Variants in C1QTNF12 observed in about 807,000 individuals in gnomAD.
The protein encoded by C1QTNF12 is adipolin.
C1QTNF12 carries 39 observed loss-of-function variants against 34.3 expected under a neutral mutation model. That is an observed-to-expected ratio of 1.14 (90% confidence interval 0.88 to 1.49). The LOEUF (loss-of-function observed/expected upper bound fraction) is 1.49. C1QTNF12 is among the 40% of genes most tolerant of loss of function. The pLI is 0.00. For missense variants in C1QTNF12, 497 were observed against 424.7 expected (o/e 1.17, Z -1.50); for synonymous variants, 220 against 196.9 (o/e 1.12, Z -0.98).
chr1:1,246,637 C>G lies in C1QTNF12; in HGVS notation c.54G>C (p.Val18=). The G allele has an allele frequency of 8.1e-7, 1 of 1,237,314 alleles. No individual in the cohort carries two copies. The highest frequency in any genetic ancestry group is 1.0e-6 in the Non-Finnish European group (1 of 990,876). 76.6% of individuals were successfully genotyped at this position (1,237,314 alleles called of 1,614,324 possible). A position where few individuals can be genotyped will look rare whatever the true frequency, so the allele number is the denominator to read the frequency against. The change falls in exon 1 of 8, where the codon GTG becomes GTC. Residue 18 remains valine (V), a synonymous_variant. Transcript: ENST00000330388. This position sits in a 1 kb window ranked among gnomAD's most constrained non-coding sequence, Gnocchi z 4.5. ...GCCGGGCCCCGACGCCCCCGAGGAGCACGAGCTGCGGCCCGAGGAGGACCA... is the reference window on the plus strand; with the variant it reads ...GCCGGGCCCCGACGCCCCCGAGGAGGACGAGCTGCGGCCCGAGGAGGACCA... ...AVVVLLGPQL[V]LLGGVGARRE... is the part of the protein sequence containing the mutation.
Position 1,244,433 on chromosome 1 carries a change from C to T in C1QTNF12, c.242G>A (p.Arg81Gln), listed in dbSNP as rs143978315. 151 of 1,611,898 alleles carry T rather than the reference C, an allele frequency of 9.4e-5. No individual in the cohort carries two copies. Among genetic ancestry groups the T allele is most frequent in the South Asian group, 9.3e-4 (85 of 91,086 alleles). ...AHMTWLNFVRRPDDGALRKRC... is the reference protein window; with the variant it reads ...AHMTWLNFVRQPDDGALRKRC... ...CTTCCTTAAGGCGCCGTCGTCCGGC[C>T]GCCGGACAAAGTTCAGCCATGTCAT... Residue 81 changes from arginine to glutamine, a missense_variant, in exon 2 of 8, where the codon CGG becomes CAG. Coordinates refer to ENST00000330388, the MANE Select transcript of C1QTNF12 (RefSeq NM_001014980.3).
chr1:1,242,503 C>T lies in C1QTNF12; in HGVS notation c.*45G>A. 7.0e-7 allele frequency: 1 copy of T among 1,438,006 alleles called. No homozygotes were observed. The highest frequency in any genetic ancestry group is 9.5e-7 in the Non-Finnish European group (1 of 1,051,848). 89.1% of individuals were successfully genotyped at this position (1,438,006 alleles called of 1,614,324 possible). Reference sequence around the variant, plus strand: ...TGACCACGGGCATCAGTAGGAGGGTCCCCGGGATCCGGCGGCAGCTCCTCG... The same window carrying T: ...TGACCACGGGCATCAGTAGGAGGGTTCCCGGGATCCGGCGGCAGCTCCTCG... On this transcript the variant is annotated 3_prime_UTR_variant, in exon 8 of 8. Transcript: ENST00000330388.
chr1:1,242,495 AG>A lies in C1QTNF12; in HGVS notation c.*52del. 7.3e-7 allele frequency: 1 copy of A among 1,378,058 alleles called. No homozygotes were observed. Among genetic ancestry groups the A allele is most frequent in the African/African-American group, 1.4e-5 (1 of 69,446 alleles). The allele number at this position is 1,378,058 out of a possible 1,614,324, so 85.4% of individuals were successfully genotyped here. A position where few individuals can be genotyped will look rare whatever the true frequency, so the allele number is the denominator to read the frequency against. ...TATTGTGGTGACCACGGGCATCAGT[AG>A]GAGGGTCCCCGGGATCCGGCGGCAG... On this transcript the variant is annotated 3_prime_UTR_variant, in exon 8 of 8. Coordinates refer to ENST00000330388, the MANE Select transcript of C1QTNF12 (RefSeq NM_001014980.3).
rs1210316441 is a variant in C1QTNF12 at position 1,242,540 on chromosome 1, G to C, written c.*8C>G. 3.9e-6 allele frequency: 6 copies of C among 1,536,684 alleles called. No individual in the cohort carries two copies. Among genetic ancestry groups the C allele is most frequent in the African/African-American group, 2.8e-5 (2 of 70,604 alleles). On this transcript the variant is annotated 3_prime_UTR_variant, in exon 8 of 8. Transcript: ENST00000330388. Reference sequence around the variant, plus strand: ...GCGGCAGCTCCTCGCCAGCCCCCCTGGGCGCCCTCACGTGCCCAGGAGCAG... The same window carrying C: ...GCGGCAGCTCCTCGCCAGCCCCCCTCGGCGCCCTCACGTGCCCAGGAGCAG...
chr1:1,246,733 A>G, upstream of C1QTNF12: 2 of 1,205,092 alleles, frequency 1.7e-6, no homozygotes, highest in South Asian at 4.2e-5. This position sits in a 1 kb window ranked among gnomAD's most constrained non-coding sequence, Gnocchi z 4.5. Flanking sequence ...TCTCGGCGCC[A>G]GGGCGCAGTC....
rs1212055740 is a variant in C1QTNF12 at position 1,243,444 on chromosome 1, C to G, written c.640G>C (p.Asp214His). The change falls in exon 5 of 8, where the codon GAC (aspartate) becomes CAC (histidine). Residue 214 changes from aspartate to histidine, a missense_variant and splice_region_variant. Coordinates refer to ENST00000330388, the MANE Select transcript of C1QTNF12 (RefSeq NM_001014980.3). ...IFQFSASLHV[D>H]HSELQGKARL... ...CACGGCACTGCCCCATCCGGCTCAC[C>G]CACGTGCAGACTGGCAGAGAACTGG... 2 of 1,552,806 alleles carry G rather than the reference C, an allele frequency of 1.3e-6. No homozygotes were observed. Among genetic ancestry groups the G allele is most frequent in the Admixed American group, 1.9e-5 (1 of 51,592 alleles).
At chr1:1,244,586 C>T (rs1000680997) in intron 1 of C1QTNF12, 89 bp from the exon 2 acceptor site, 66 of 1,027,488 alleles carry the variant, frequency 6.4e-5, no homozygotes, top group Non-Finnish European at 9.3e-5. Flanking sequence ...CAGGGCAGAA[C>T]CAGGGAAGGC....
intron 1 of C1QTNF12, among the ~76,000 whole-genome samples, chr1:1,244,932 TC>T (rs1245826707): frequency 2.6e-4 from 2 of 7,622 alleles, no homozygotes; most frequent in East Asian, 7.2e-3. Context: ...TTCCCCCTCT[TC>T]CCCCCACTCC....
chr1:1,245,779 A>C (rs1449119586), intron 1 of C1QTNF12, among the ~76,000 whole-genome samples: 2 of 152,214 alleles, frequency 1.3e-5, no homozygotes, highest in Admixed American at 1.3e-4. Flanking sequence ...GGCTGGCTGC[A>C]GCAGAGACGC....
At position 1,246,642 on chromosome 1, in the gene C1QTNF12, G is replaced by A. The variant is rs1374152871; in HGVS notation, c.49C>T (p.Leu17Phe). 4.0e-6 allele frequency: 5 copies of A among 1,235,504 alleles called. No homozygotes were observed. The Admixed American group carries it at 1.7e-4, about 42-fold the overall frequency. The allele number at this position is 1,235,504 out of a possible 1,614,324, so 76.5% of individuals were successfully genotyped here. Reference sequence around the variant, plus strand: ...GCCCCGACGCCCCCGAGGAGCACGAGCTGCGGCCCGAGGAGGACCACGACC... The same window carrying A: ...GCCCCGACGCCCCCGAGGAGCACGAACTGCGGCCCGAGGAGGACCACGACC... ...AAVVVLLGPQ[L>F]VLLGGVGARR... is the part of the protein sequence containing the mutation. Residue 17 changes from leucine (L) to phenylalanine (F), a missense_variant, in exon 1 of 8, where the codon CTC becomes TTC. Coordinates refer to ENST00000330388, the MANE Select transcript of C1QTNF12 (RefSeq NM_001014980.3). This position sits in a 1 kb window ranked among gnomAD's most constrained non-coding sequence, Gnocchi z 4.5.
chr1:1,242,991 CCT>C, intron 6 of C1QTNF12, 69 bp downstream of exon 6: 1 of 1,558,036 alleles, frequency 6.4e-7, no homozygotes, highest in Non-Finnish European at 8.7e-7. Flanking sequence ...CCCAGAGACC[CCT>C]GTGGCCTGTG....
chr1:1,244,672 GC>G (rs1216386998), intron 1 of C1QTNF12, 175 bp from the exon 2 acceptor site: 1 of 604,576 alleles, frequency 1.7e-6, no homozygotes, highest in East Asian at 2.7e-5. Context: ...CACCAGCAGG[GC>G]AGGCATGCGG....
At chr1:1,242,672 A>G in intron 7 of C1QTNF12, 26 bp from the exon 8 acceptor site, 2 of 1,571,698 alleles carry the variant, frequency 1.3e-6, no homozygotes, top group Non-Finnish European at 1.7e-6. Flanking sequence ...GGACGTCACA[A>G]CCGCAGCCAC....
chr1:1,245,750 G>C (rs1365440309), intron 1 of C1QTNF12, among the ~76,000 whole-genome samples: 1 of 152,218 alleles, frequency 6.6e-6, no homozygotes, highest in Non-Finnish European at 1.5e-5. Context: ...GCGGGGCCGC[G>C]TGGGCTGAGA....
chr1:1,242,801 C>G, intron 7 of C1QTNF12, 34 bp downstream of exon 7: 1 of 1,608,984 alleles, frequency 6.2e-7, no homozygotes, highest in Non-Finnish European at 8.5e-7. Context: ...CGAGTGCACC[C>G]GAGCCCTCCC....
chr1:1,244,591 G>A, intron 1 of C1QTNF12, 94 bp from the exon 2 acceptor site: 1 of 996,790 alleles, frequency 1.0e-6, no homozygotes, highest in Non-Finnish European at 1.6e-6. Context: ...CAGAACCAGG[G>A]AAGGCATCGC....
chr1:1,244,487 G>A lies in C1QTNF12; in HGVS notation c.188C>T (p.Ala63Val), dbSNP rs1311137518. 3 of 1,610,826 alleles carry A rather than the reference G, an allele frequency of 1.9e-6. No homozygotes were observed. The highest frequency in any genetic ancestry group is 2.5e-6 in the Non-Finnish European group (3 of 1,178,618). The change falls in exon 2 of 8, where the codon GCC becomes GTC. Residue 63 changes from alanine to valine, a missense_variant. Physicochemically the swap from Ala to Val is moderately conservative, Grantham distance 64 (BLOSUM62 0). Transcript: ENST00000330388. ...GLPEAPKPSQASGPEFSDAHM... is the reference protein window; with the variant it reads ...GLPEAPKPSQVSGPEFSDAHM... Reference sequence around the variant, plus strand: ...GGCGTCGGAGAACTCAGGTCCTGAGGCCTGGGATGGCTGAAGGGACGGGAC... The same window carrying A: ...GGCGTCGGAGAACTCAGGTCCTGAGACCTGGGATGGCTGAAGGGACGGGAC...
In C1QTNF12 at chr1:1,244,434, G is replaced by T; in HGVS notation, c.241C>A (p.Arg81=). 1.2e-6 allele frequency: 2 copies of T among 1,611,890 alleles called. No individual in the cohort carries two copies. The highest frequency in any genetic ancestry group is 1.7e-5 in the Admixed American group (1 of 59,972). Residue 81 remains arginine (R), a synonymous_variant, in exon 2 of 8, where the codon CGG becomes AGG. Transcript: ENST00000330388. ...TTCCTTAAGGCGCCGTCGTCCGGCC[G>T]CCGGACAAAGTTCAGCCATGTCATG... The part of the protein sequence containing the change: ...AHMTWLNFVR[R]PDDGALRKRC...
rs199841263 is a variant in C1QTNF12, at chr1:1,244,522, G to A, written c.178-25C>T. ...GCTGAAGGGACGGGACGGGGCTAGC[G>A]CACTGAGGCTGCACCCTGCAGAGAG... On this transcript the variant is annotated intron_variant, in intron 1 of 7. Coordinates refer to ENST00000330388, the MANE Select transcript of C1QTNF12 (RefSeq NM_001014980.3). 6.1e-4 allele frequency: 939 copies of A among 1,536,360 alleles called. 5 individuals are homozygous for A. Among genetic ancestry groups the A allele is most frequent in the Middle Eastern group, 4.0e-3 (23 of 5,744 alleles).
Sources: gnomAD v4.1 joint callset for allele counts (sites outside exome capture counted in the v4.1 genomes callset) on GRCh38, gnomAD v4.1.1 for gene constraint, Gnocchi (gnomAD v3.1) non-coding constraint, MANE v1.5 for transcripts, NCBI Gene and HGNC (gene_info 2026-07-23, HGNC 2026-07-21) for gene names.